TTC3: variants seen among roughly 807,000 people sequenced by gnomAD.
TTC3 encodes the protein E3 ubiquitin-protein ligase TTC3.
A neutral mutation model predicts 249.6 loss-of-function variants in TTC3; 180 were observed. The ratio of observed to expected loss-of-function variants is 0.72; its 90% CI spans 0.64 to 0.82. TTC3 has a LOEUF of 0.82. Ranked by LOEUF, TTC3 falls within the 40% of genes least tolerant of loss-of-function variation. The pLI is 0.00. For missense variants in TTC3, 2,061 were observed against 2,398.4 expected (o/e 0.86, Z 2.94); for synonymous variants, 717 against 805.0 (o/e 0.89, Z 1.85).
chr21:37,144,282 G>C (rs1199774365), intron 20 of TTC3, among the ~76,000 whole-genome samples: 1 of 151,786 alleles, frequency 6.6e-6, no homozygotes, highest in Non-Finnish European at 1.5e-5. Flanking sequence ...CAACAAAAAA[G>C]TGTACACCTG....
At position 37,108,375 on chromosome 21, in the gene TTC3, C is replaced by T. The variant is rs765614597; in HGVS notation, c.846-17C>T. On this transcript the variant is annotated splice_polypyrimidine_tract_variant and intron_variant, in intron 10 of 45. Coordinates refer to ENST00000355666, the Ensembl canonical transcript of TTC3. ...ATAAAAGAGTGAAAATTTTTAAATA[C>T]TTGTTTTTCCTTTTAGAAATGCACT... The T allele has an allele frequency of 1.6e-5, 26 of 1,601,462 alleles. No homozygotes were observed. Among genetic ancestry groups the T allele is most frequent in the Non-Finnish European group, 2.0e-5 (24 of 1,176,232 alleles).
At chr21:37,106,235 C>G (rs1016852627) in intron 10 of TTC3, among the ~76,000 whole-genome samples, 2 of 152,052 alleles carry the variant, frequency 1.3e-5, no homozygotes, top group African/African-American at 2.4e-5. Flanking sequence ...CTGTTGAAGT[C>G]TTTTGCTATT....
chr21:37,181,337 A>G (rs2082739152), intron 35 of TTC3, among the ~76,000 whole-genome samples: 1 of 152,248 alleles, frequency 6.6e-6, no homozygotes, highest in Non-Finnish European at 1.5e-5. Context: ...AAAGGGATGG[A>G]TCCCAGGTGA....
chr21:37,114,845 A>T (rs192302595), intron 11 of TTC3, among the ~76,000 whole-genome samples: 36 of 151,390 alleles, frequency 2.4e-4, no homozygotes, highest in East Asian at 7.7e-4. Flanking sequence ...TGGAATACTA[A>T]GCAGCCATAA....
At chr21:37,088,457 A>C in intron 4 of TTC3, 111 bp downstream of exon 4, 1 of 1,341,054 alleles carries the variant, frequency 7.5e-7, no homozygotes, top group Non-Finnish European at 1.0e-6. Flanking sequence ...TATGCTGCTC[A>C]ACGTTTGTGT....
chr21:37,151,202 T>G (rs1009259295), intron 25 of TTC3, among the ~76,000 whole-genome samples: 2 of 152,276 alleles, frequency 1.3e-5, no homozygotes, highest in African/African-American at 4.8e-5. Context: ...CAGTTTGCTC[T>G]CAGTTGTTGA....
intron 41 of TTC3, among the ~76,000 whole-genome samples, chr21:37,194,181 C>T (rs1411335079): frequency 1.3e-5 from 2 of 152,238 alleles, no homozygotes; most frequent in Admixed American, 1.3e-4. Flanking sequence ...AAGGGAACAG[C>T]AGCAGAACAG....
intron 22 of TTC3, 71 bp from the exon 23 acceptor site, chr21:37,148,475 T>G: frequency 1.5e-6 from 1 of 677,152 alleles, no homozygotes; most frequent in East Asian, 3.0e-5. Flanking sequence ...TCTGTCTTTA[T>G]GTATGTTGTA....
At chr21:37,105,729 A>G (rs928122323) in intron 10 of TTC3, among the ~76,000 whole-genome samples, 1 of 152,184 alleles carries the variant, frequency 6.6e-6, no homozygotes, top group African/African-American at 2.4e-5. Context: ...CTATTTTAGT[A>G]CAATGTAATG....
At chr21:37,136,736 G>A (rs1032733759) in intron 18 of TTC3, among the ~76,000 whole-genome samples, 2 of 152,210 alleles carry the variant, frequency 1.3e-5, no homozygotes, top group East Asian at 1.9e-4. Flanking sequence ...AGGTGGCTAC[G>A]CTAAACAACA....
At chr21:37,110,896 A>G (rs563939343) in intron 11 of TTC3, among the ~76,000 whole-genome samples, 16 of 152,356 alleles carry the variant, frequency 1.1e-4, no homozygotes, top group Non-Finnish European at 1.5e-4. Context: ...GTGGGGGCGA[A>G]TATTCAACAT....
intron 23 of TTC3, 121 bp from the exon 24 acceptor site, chr21:37,149,957 G>GC: frequency 1.5e-6 from 1 of 674,626 alleles, no homozygotes; most frequent in East Asian, 2.9e-5. Context: ...TTCACCACTT[G>GC]CCTGAAGATG....
intron 5 of TTC3, among the ~76,000 whole-genome samples, chr21:37,089,635 T>C (rs1308352787): frequency 6.6e-6 from 1 of 152,144 alleles, no homozygotes; most frequent in Admixed American, 6.6e-5. Context: ...TGCCTCAGCC[T>C]CCCGAGTAGC....
chr21:37,125,882 G>T (rs201556096), intron 14 of TTC3, among the ~76,000 whole-genome samples, 198 bp from the exon 15 acceptor site: 2 of 180 alleles, frequency 0.011, no homozygotes, highest in African/African-American at 0.03. Context: ...GAATTTGTTC[G>T]TTGCCATATC....
intron 36 of TTC3, among the ~76,000 whole-genome samples, chr21:37,184,721 G>A (rs567551150): frequency 5.4e-5 from 8 of 149,160 alleles, no homozygotes; most frequent in African/African-American, 7.4e-5. Flanking sequence ...CACCCATCTC[G>A]GCCTCCCAAA....
At chr21:37,082,419 G>T in intron 1 of TTC3, 1 of 881,858 alleles carries the variant, frequency 1.1e-6, no homozygotes, top group Non-Finnish European at 1.4e-6. Context: ...ACTTCTGTTT[G>T]ATCTTTGTGG....
chr21:37,084,741 T>A (rs2072186757), intron 1 of TTC3, among the ~76,000 whole-genome samples: 1 of 152,180 alleles, frequency 6.6e-6, no homozygotes, highest in South Asian at 2.1e-4. Flanking sequence ...ACGCCTGTAA[T>A]CCCAGCACTT....
exon 17 of TTC3, chr21:37,132,748 T>C (rs963172551): frequency 6.2e-7 from 1 of 1,607,376 alleles, no homozygotes; most frequent in Admixed American, 1.7e-5. Context: ...TTTCTAAATC[T>C]TCCAGAGCTG....
intron 10 of TTC3, among the ~76,000 whole-genome samples, chr21:37,099,583 T>G (rs1037644003): frequency 3.9e-5 from 6 of 152,242 alleles, no homozygotes; most frequent in African/African-American, 1.4e-4. Flanking sequence ...TTCCAGGACA[T>G]GTAGATTAAA....
Sources: gnomAD v4.1 joint callset for allele counts (sites outside exome capture counted in the v4.1 genomes callset) on GRCh38, gnomAD v4.1.1 for gene constraint, MANE v1.5 for transcripts, NCBI Gene and HGNC (gene_info 2026-07-23, HGNC 2026-07-21) for gene names.